Variants in FAM25G observed in about 807,000 individuals in gnomAD.
FAM25G encodes family with sequence similarity 25 member G.
FAM25G carries 3 observed loss-of-function variants against 6.4 expected under a neutral mutation model. The observed-to-expected ratio is 0.47, with a 90% CI of 0.21 to 1.21. The LOEUF is 1.21. Ranked by LOEUF, FAM25G falls within the 50% of genes most tolerant of loss-of-function variation. The pLI is 0.22. For missense variants in FAM25G, 34 were observed against 76.0 expected, an observed-to-expected ratio of 0.45 and a Z score of 2.06; for synonymous variants, 15 against 31.3, an observed-to-expected ratio of 0.48 and a Z score of 1.74.
chr10:47,489,021 T>A (rs1840099367), intron 2 of FAM25G, among the ~76,000 whole-genome samples: 1 of 133,522 alleles, frequency 7.5e-6, no homozygotes, highest in Non-Finnish European at 1.6e-5. Flanking sequence ...AGCAATTATT[T>A]TTTTCTTTTT....
At chr10:47,488,870 G>A (rs1840094538) in intron 2 of FAM25G, among the ~76,000 whole-genome samples, 1 of 146,574 alleles carries the variant, frequency 6.8e-6, no homozygotes, top group Admixed American at 6.9e-5. Flanking sequence ...TAGGACTACA[G>A]GTGCCCGCCA....
intron 1 of FAM25G, among the ~76,000 whole-genome samples, chr10:47,489,926 T>A (rs1370052834): frequency 1.3e-5 from 2 of 150,516 alleles, no homozygotes; most frequent in African/African-American, 4.9e-5. Context: ...GCTGGCTTCA[T>A]TTGGAGACGC....
At chr10:47,488,431 G>C (rs1420043272) in intron 2 of FAM25G, among the ~76,000 whole-genome samples, 8 of 145,220 alleles carry the variant, frequency 5.5e-5, no homozygotes, top group Admixed American at 6.9e-5. Context: ...GGCTGGTCTC[G>C]AACTCCTGAC....
At chr10:47,488,459 C>T (rs1840084355) in intron 2 of FAM25G, among the ~76,000 whole-genome samples, 1 of 149,366 alleles carries the variant, frequency 6.7e-6, no homozygotes, top group South Asian at 2.1e-4. Context: ...GGCCCACCCG[C>T]CTTGGCTTCC....
intron 2 of FAM25G, among the ~76,000 whole-genome samples, chr10:47,488,688 T>C (rs1840088220): frequency 3.5e-5 from 5 of 142,122 alleles, no homozygotes; most frequent in Middle Eastern, 3.6e-3. Flanking sequence ...CAATTTAACA[T>C]TTAACATAGA....
intron 2 of FAM25G, among the ~76,000 whole-genome samples, chr10:47,488,565 A>G (rs1433420621): frequency 1.3e-5 from 2 of 151,182 alleles, no homozygotes; most frequent in African/African-American, 4.9e-5. Flanking sequence ...TAGTAAGTTA[A>G]TAAATTCATT....
intron 2 of FAM25G, among the ~76,000 whole-genome samples, chr10:47,489,358 G>A (rs1347220844): frequency 0.043 from 6,376 of 150,008 alleles, 29 homozygotes; most frequent in African/African-American, 0.079. Context: ...ACATAGTCTT[G>A]TGTGACTTTG....
chr10:47,489,520 G>T, intron 2 of FAM25G, 66 bp downstream of exon 2: 1 of 594,648 alleles, frequency 1.7e-6, no homozygotes, highest in East Asian at 2.8e-5. Context: ...CAAAGAACAG[G>T]TTGGCCCAGC....
intron 1 of FAM25G, 36 bp downstream of exon 1, chr10:47,491,566 C>T: frequency 2.0e-6 from 3 of 1,494,738 alleles, no homozygotes; most frequent in Non-Finnish European, 2.7e-6. Context: ...CCCCAGATCC[C>T]CCCAGCCCAG....
intron 1 of FAM25G, 123 bp downstream of exon 1, chr10:47,491,479 A>G (rs1181426510): frequency 3.2e-6 from 2 of 624,112 alleles, no homozygotes; most frequent in Non-Finnish European, 5.4e-6. Flanking sequence ...GCAGGAGACC[A>G]GGGTTCCTGA....
At chr10:47,488,713 A>ATTTTTTTTTTTTTTTT (rs1160121365) in intron 2 of FAM25G, among the ~76,000 whole-genome samples, 5 of 62,104 alleles carry the variant, frequency 8.1e-5, no homozygotes, top group Non-Finnish European at 1.4e-4. Context: ...TACATGTTAA[A>ATTTTTTTTTTTTTTTT]TTTTTTTTTT....
At chr10:47,489,018 A>AT (rs1395732292) in intron 2 of FAM25G, among the ~76,000 whole-genome samples, 3 of 119,472 alleles carry the variant, frequency 2.5e-5, no homozygotes, top group African/African-American at 3.3e-5. Flanking sequence ...CCCAGCAATT[A>AT]TTTTTTTCTT....
At chr10:47,487,847 A>AT (rs1323052084) in intron 2 of FAM25G, among the ~76,000 whole-genome samples, 6 of 147,766 alleles carry the variant, frequency 4.1e-5, no homozygotes, top group African/African-American at 1.3e-4. Context: ...TATGGCGCTG[A>AT]TTTTTTTGTC....
chr10:47,489,630 A>G lies in FAM25G; in HGVS notation c.92T>C (p.Val31Ala). The G allele has an allele frequency of 1.4e-6, 1 of 697,144 alleles. No homozygotes were observed. The highest frequency in any genetic ancestry group is 1.7e-5 in the South Asian group (1 of 57,606). The allele number at this position is 697,144 out of a possible 1,614,324, so 43.2% of individuals were successfully genotyped here. ...TEGAIHAVEEVVKEVVGHAKE... is the reference protein window; with the variant it reads ...TEGAIHAVEEAVKEVVGHAKE... The stretch of plus-strand genomic sequence containing the variant: ...GGCATGTCCCACCACCTCCTTCACC[A>G]CTTCCTCCACGGCATGAACTGAACA... Residue 31 changes from valine (V) to alanine (A), a missense_variant, in exon 2 of 3, where the codon GTG becomes GCG. Coordinates refer to ENST00000452267, the MANE Select transcript of FAM25G (RefSeq NM_001137549.2).
At chr10:47,488,962 A>T (rs1164470521) in intron 2 of FAM25G, among the ~76,000 whole-genome samples, 85 of 138,750 alleles carry the variant, frequency 6.1e-4, no homozygotes, top group South Asian at 1.2e-3. Flanking sequence ...TGATCCGCCC[A>T]CCTCAGCCTC....
At position 47,488,713 on chromosome 10, in the gene FAM25G, ATTTTTTTTTTTTTT is replaced by A. The variant is rs1160121365; in HGVS notation, c.136+859_136+872del. On this transcript the variant is annotated intron_variant, in intron 2 of 2. Coordinates refer to ENST00000452267, the MANE Select transcript of FAM25G (RefSeq NM_001137549.2). Reference sequence around the variant, plus strand: ...TTTAACATAGAATTTTACATGTTAAATTTTTTTTTTTTTTTTTTTTTTTTTTTTTTTTGAGACAG... The same window carrying A: ...TTTAACATAGAATTTTACATGTTAAATTTTTTTTTTTTTTTTTTGAGACAG... Among the ~76,000 whole-genome samples, 11 of 62,118 alleles carry A rather than the reference ATTTTTTTTTTTTTT, an allele frequency of 1.8e-4. No individual in the cohort carries two copies. In the East Asian group the frequency reaches 2.0e-3, roughly 11 times the overall value. 40.8% of individuals were successfully genotyped at this position (62,118 alleles called of 152,430 possible).
At chr10:47,488,080 G>A (rs1192991307) in intron 2 of FAM25G, among the ~76,000 whole-genome samples, 2 of 137,272 alleles carry the variant, frequency 1.5e-5, no homozygotes, top group African/African-American at 5.3e-5. Context: ...GGACAGAGCT[G>A]GGCCCATCCA....
chr10:47,487,775 T>G (rs1396206275), intron 2 of FAM25G, among the ~76,000 whole-genome samples: 10 of 91,672 alleles, frequency 1.1e-4, no homozygotes, highest in African/African-American at 2.8e-4. Context: ...GTTTATAGTG[T>G]TTTTTTTTTT....
intron 2 of FAM25G, among the ~76,000 whole-genome samples, chr10:47,488,540 A>T (rs1346446145): frequency 6.6e-6 from 1 of 151,336 alleles, no homozygotes; most frequent in African/African-American, 2.4e-5. Context: ...AGCCTGAGCT[A>T]AGATGTTTAT....
Sources: allele counts gnomAD v4.1 joint callset (sites outside exome capture counted in the v4.1 genomes callset), GRCh38; gene constraint gnomAD v4.1.1; transcripts MANE v1.5; gene names NCBI Gene and HGNC (gene_info 2026-07-23, HGNC 2026-07-21).